STIM1: variants seen among roughly 807,000 people sequenced by gnomAD.
The protein encoded by STIM1 is stromal interaction molecule 1.
STIM1 carries 25 observed loss-of-function variants against 74.7 expected under a neutral mutation model. That is an observed-to-expected ratio of 0.33 (90% CI 0.24 to 0.47). The LOEUF is 0.47. STIM1 is among the 20% of genes least tolerant of loss of function. The probability of loss-of-function intolerance (pLI) is 1.00; values close to 1 mark genes in which losing one functional copy is unlikely to be tolerated. For synonymous variants in STIM1, 328 were observed against 348.8 expected, an observed-to-expected ratio of 0.94 and a Z score of 0.66; for missense variants, 728 against 920.8, an observed-to-expected ratio of 0.79 and a Z score of 2.71.
intron 1 of STIM1, among the ~76,000 whole-genome samples, chr11:3,900,279 CCGTGGGAAAAG>C (rs1304756340): frequency 2.6e-5 from 4 of 152,164 alleles, no homozygotes; most frequent in Non-Finnish European, 5.9e-5. Flanking sequence ...TTTTTTAAGC[CCGTGGGAAAAG>C]CGCAGTATTG....
intron 12 of STIM1, among the ~76,000 whole-genome samples, chr11:4,089,837 T>C (rs142134417): frequency 1.3e-5 from 2 of 152,358 alleles, no homozygotes; most frequent in East Asian, 3.9e-4. Flanking sequence ...CCCCTTTGGC[T>C]AGCAGACGTT....
chr11:3,957,495 G>A (rs1590600103), intron 1 of STIM1, among the ~76,000 whole-genome samples: 2 of 151,996 alleles, frequency 1.3e-5, no homozygotes, highest in South Asian at 2.1e-4. Flanking sequence ...CTGACCTTGC[G>A]ATCCACCTGC....
chr11:3,983,873 CT>C (rs879879292), intron 2 of STIM1, among the ~76,000 whole-genome samples: 339 of 145,234 alleles, frequency 2.3e-3, no homozygotes, highest in Middle Eastern at 7.0e-3. Flanking sequence ...TTTCTCCTTT[CT>C]TTTTTTTTTT....
intron 2 of STIM1, among the ~76,000 whole-genome samples, chr11:3,996,495 A>T (rs1431253784): frequency 6.6e-6 from 1 of 152,214 alleles, no homozygotes; most frequent in Non-Finnish European, 1.5e-5. Flanking sequence ...TGGGGGAAGG[A>T]TCAGAAATGC....
At chr11:3,886,086 A>G (rs545186836) in intron 1 of STIM1, among the ~76,000 whole-genome samples, 162 of 152,218 alleles carry the variant, frequency 1.1e-3, no homozygotes, top group Non-Finnish European at 1.6e-3. Flanking sequence ...CATTTCCCAT[A>G]GTCTGAGGGA....
At chr11:4,035,266 G>GTTTTTTT (rs55788240) in intron 3 of STIM1, among the ~76,000 whole-genome samples, 1 of 136,620 alleles carries the variant, frequency 7.3e-6, no homozygotes. Context: ...GGTGTATTGT[G>GTTTTTTT]TTTTTTTTTT....
intron 1 of STIM1, among the ~76,000 whole-genome samples, chr11:3,951,265 G>A (rs958993897): frequency 6.6e-6 from 1 of 152,188 alleles, no homozygotes; most frequent in Non-Finnish European, 1.5e-5. Context: ...GTCAGAACCT[G>A]GTTCCTAGAA....
chr11:4,056,535 C>A (rs1590679309), intron 4 of STIM1, among the ~76,000 whole-genome samples: 1 of 152,228 alleles, frequency 6.6e-6, no homozygotes, highest in South Asian at 2.1e-4. Flanking sequence ...TATGTATAAT[C>A]TGTCATCTTA....
chr11:3,957,993 G>T (rs1445594933), intron 1 of STIM1, among the ~76,000 whole-genome samples: 1 of 152,146 alleles, frequency 6.6e-6, no homozygotes, highest in East Asian at 1.9e-4. Flanking sequence ...AGCCTTCCAA[G>T]TAGCTGGGAC....
chr11:3,882,668 C>CCTAG (rs2091560458), intron 1 of STIM1, among the ~76,000 whole-genome samples: 1 of 152,148 alleles, frequency 6.6e-6, no homozygotes, highest in Non-Finnish European at 1.5e-5. Flanking sequence ...TGGGTACATA[C>CCTAG]CTAGGAGTGG....
chr11:3,918,541 AAAAGAAAG>A lies in STIM1; in HGVS notation c.140-48989_140-48982del, dbSNP rs71047189. 5.0e-3 allele frequency among the ~76,000 whole-genome samples: 726 copies of A among 146,370 alleles called. 4 individuals carry two copies. Among genetic ancestry groups the A allele is most frequent in the African/African-American group, 0.014 (528 of 38,772 alleles). On this transcript the variant is annotated intron_variant, in intron 1 of 12. Transcript: ENST00000526596. ...ACAGTCAGACACTGTCTCAAAAAAAAAAAGAAAGAAAGAAAGAAAGAAAGAAAGATACA... is the reference window on the plus strand; with the variant it reads ...ACAGTCAGACACTGTCTCAAAAAAAAAAAGAAAGAAAGAAAGAAAGATACA...
chr11:3,875,613 G>T (rs543812173), intron 1 of STIM1, among the ~76,000 whole-genome samples: 5 of 151,734 alleles, frequency 3.3e-5, no homozygotes, highest in Non-Finnish European at 7.4e-5. Flanking sequence ...TGTAATCCCA[G>T]CTACTTGGGG....
chr11:3,923,359 A>G (rs2092744469), intron 1 of STIM1, among the ~76,000 whole-genome samples: 1 of 152,136 alleles, frequency 6.6e-6, no homozygotes, highest in South Asian at 2.1e-4. Context: ...CTGTAATCCC[A>G]GCACTATGGG....
At chr11:3,882,834 C>T (rs930535437) in intron 1 of STIM1, among the ~76,000 whole-genome samples, 1 of 152,088 alleles carries the variant, frequency 6.6e-6, no homozygotes, top group Non-Finnish European at 1.5e-5. Context: ...TTATTATAAC[C>T]ATTCTTGTGG....
intron 5 of STIM1, 96 bp from the exon 6 acceptor site, chr11:4,069,930 T>C: frequency 4.4e-6 from 6 of 1,358,430 alleles, no homozygotes; most frequent in Non-Finnish European, 6.3e-6. Context: ...AGTGTGTCTG[T>C]TATGGAAGGC....
At chr11:3,878,978 C>T (rs183796502) in intron 1 of STIM1, among the ~76,000 whole-genome samples, 1 of 151,600 alleles carries the variant, frequency 6.6e-6, no homozygotes, top group African/African-American at 2.4e-5. Flanking sequence ...TTTTTTGAGA[C>T]GGAGTCTCGC....
intron 2 of STIM1, among the ~76,000 whole-genome samples, chr11:3,991,817 G>T (rs1433459394): frequency 6.6e-6 from 1 of 151,602 alleles, no homozygotes; most frequent in Non-Finnish European, 1.5e-5. Flanking sequence ...GGTCATGGTG[G>T]CGCATGCCTG....
intron 2 of STIM1, among the ~76,000 whole-genome samples, chr11:4,002,472 T>G (rs975820599): frequency 1.3e-5 from 2 of 151,802 alleles, no homozygotes; most frequent in South Asian, 2.1e-4. Flanking sequence ...CTGAACAACC[T>G]GCCCCTGAAT....
chr11:3,993,815 T>A (rs1338759520), intron 2 of STIM1, among the ~76,000 whole-genome samples: 4 of 152,238 alleles, frequency 2.6e-5, no homozygotes, highest in Non-Finnish European at 4.4e-5. Flanking sequence ...AATCACTTTT[T>A]AAAATAATTT....
Sources: gnomAD v4.1 joint callset for allele counts (sites outside exome capture counted in the v4.1 genomes callset) on GRCh38, gnomAD v4.1.1 for gene constraint, MANE v1.5 for transcripts, NCBI Gene and HGNC (gene_info 2026-07-23, HGNC 2026-07-21) for gene names.